DCLK1: variants seen among roughly 807,000 people sequenced by gnomAD.
DCLK1 encodes the protein serine/threonine-protein kinase DCLK1.
Under a neutral mutation model 86.2 loss-of-function variants are expected in DCLK1, and 16 were observed. The ratio of observed to expected loss-of-function variants is 0.19; its 90% CI spans 0.13 to 0.28. DCLK1 has a LOEUF of 0.28. DCLK1 is among the 10% of genes least tolerant of loss of function. The pLI is 1.00. For synonymous variants in DCLK1, 369 were observed against 370.5 expected (o/e 1.00, Z 0.05); for missense variants, 590 against 940.2 (o/e 0.63, Z 4.87).
At chr13:36,005,174 G>A (rs1880896365) in intron 3 of DCLK1, among the ~76,000 whole-genome samples, 1 of 152,084 alleles carries the variant, frequency 6.6e-6, no homozygotes, top group African/African-American at 2.4e-5. Flanking sequence ...ACTTTCACAT[G>A]TGTCCTGAAA....
At chr13:35,983,862 G>A (rs1012486846) in intron 3 of DCLK1, among the ~76,000 whole-genome samples, 1 of 152,186 alleles carries the variant, frequency 6.6e-6, no homozygotes, top group African/African-American at 2.4e-5. Context: ...CCTTGAACAG[G>A]AGACTGCACT....
At chr13:35,855,689 C>A (rs1871008538) in intron 5 of DCLK1, 2 of 1,392,590 alleles carry the variant, frequency 1.4e-6, no homozygotes, top group South Asian at 3.5e-5. Flanking sequence ...CAGCAGATGC[C>A]TTTTCTGCGT....
intron 4 of DCLK1, among the ~76,000 whole-genome samples, chr13:35,919,806 AT>A (rs974879192): frequency 2.7e-5 from 4 of 146,526 alleles, no homozygotes; most frequent in Non-Finnish European, 3.0e-5. Context: ...CTCAAAAAAA[AT>A]TTTTTTTCAT....
chr13:36,091,441 C>T (rs966902505), intron 3 of DCLK1, among the ~76,000 whole-genome samples: 18 of 152,128 alleles, frequency 1.2e-4, no homozygotes, highest in African/African-American at 4.3e-4. Flanking sequence ...AGGGCAGGGA[C>T]CATAACTCAC....
At position 35,872,449 on chromosome 13, in the gene DCLK1, A is replaced by C. The variant is rs1872337555; in HGVS notation, c.824-1109T>G. ...AGCATCTGACTGCATGGAATACCATAATTTACTTAACCGAATTCCAACTAT... is the reference window on the plus strand; with the variant it reads ...AGCATCTGACTGCATGGAATACCATCATTTACTTAACCGAATTCCAACTAT... On this transcript the variant is annotated intron_variant, in intron 4 of 16. Coordinates refer to ENST00000360631, the MANE Select transcript of DCLK1 (RefSeq NM_001330071.2). 2.0e-5 allele frequency among the ~76,000 whole-genome samples: 3 copies of C among 152,194 alleles called. No individual in the cohort carries two copies. The South Asian group carries it at 6.2e-4, about 31-fold the overall frequency.
chr13:35,932,773 A>G (rs545214506), intron 4 of DCLK1, among the ~76,000 whole-genome samples: 1 of 152,312 alleles, frequency 6.6e-6, no homozygotes, highest in East Asian at 1.9e-4. Context: ...ATTGAAGATG[A>G]GATTTGGGTG....
intron 3 of DCLK1, among the ~76,000 whole-genome samples, chr13:35,990,089 A>G (rs1204693351): frequency 6.6e-6 from 1 of 152,162 alleles, no homozygotes; most frequent in Non-Finnish European, 1.5e-5. Flanking sequence ...TGAGAATGTA[A>G]AAAGCATAGA....
chr13:35,879,963 A>G (rs1473694556), intron 4 of DCLK1, among the ~76,000 whole-genome samples: 2 of 152,140 alleles, frequency 1.3e-5, no homozygotes, highest in Admixed American at 6.6e-5. Context: ...TACCCCTGGT[A>G]GAGAACCACT....
At position 35,806,187 on chromosome 13, in the gene DCLK1, G is replaced by C. The variant is rs78629240; in HGVS notation, c.1864-408C>G. On this transcript the variant is annotated intron_variant, in intron 14 of 16. Transcript: ENST00000360631. ...AAAATTTCACTTTAGCAGCTGAAAGGAAAAATGAAAATTTCCCCCTAATTT... is the reference window on the plus strand; with the variant it reads ...AAAATTTCACTTTAGCAGCTGAAAGCAAAAATGAAAATTTCCCCCTAATTT... Among the ~76,000 whole-genome samples the C allele has an allele frequency of 3.6e-3, 543 of 152,044 alleles. 2 individuals carry two copies. Among genetic ancestry groups the C allele is most frequent in the African/African-American group, 0.012 (509 of 41,508 alleles).
At chr13:36,071,401 T>C (rs1883970511) in intron 3 of DCLK1, among the ~76,000 whole-genome samples, 1 of 152,168 alleles carries the variant, frequency 6.6e-6, no homozygotes, top group Non-Finnish European at 1.5e-5. Context: ...TAAGTATTAT[T>C]ATACTCACTT....
At chr13:36,087,867 T>C (rs1489896386) in intron 3 of DCLK1, among the ~76,000 whole-genome samples, 1 of 152,136 alleles carries the variant, frequency 6.6e-6, no homozygotes, top group Non-Finnish European at 1.5e-5. Context: ...GCAGGGAAGG[T>C]GGTCAGAGAC....
At chr13:35,838,968 G>T in intron 7 of DCLK1, 124 bp downstream of exon 7, 1 of 820,592 alleles carries the variant, frequency 1.2e-6, no homozygotes, top group Non-Finnish European at 1.9e-6. Context: ...ATCCCCTTGT[G>T]ATTGACCCTC....
At position 35,827,635 on chromosome 13, in the gene DCLK1, C is replaced by T. The variant is rs1227745857; in HGVS notation, c.1407G>A (p.Lys469=). The change falls in exon 10 of 17, where the codon AAG becomes AAA. Residue 469 remains lysine (K), a splice_region_variant and synonymous_variant. Coordinates refer to ENST00000360631, the MANE Select transcript of DCLK1 (RefSeq NM_001330071.2). ...TELYLVMELV[K]GGDLFDAITS... ...CTTACTTTCTTTCCAAAATACACAC[C>T]TTTACTAATTCCATGACAAGATACA... 1.2e-6 allele frequency: 2 copies of T among 1,613,860 alleles called. No homozygotes were observed. The highest frequency in any genetic ancestry group is 1.7e-6 in the Non-Finnish European group (2 of 1,179,960).
intron 3 of DCLK1, among the ~76,000 whole-genome samples, chr13:36,086,171 A>G (rs955165671): frequency 6.6e-6 from 1 of 152,182 alleles, no homozygotes; most frequent in Non-Finnish European, 1.5e-5. Context: ...CTGTTTACCC[A>G]TCTGACATCA....
At chr13:35,782,068 G>A (rs971341480) in intron 16 of DCLK1, among the ~76,000 whole-genome samples, 3 of 152,180 alleles carry the variant, frequency 2.0e-5, no homozygotes, top group African/African-American at 7.2e-5. Flanking sequence ...GCCTTCTTGG[G>A]ATGCAACTGA....
intron 3 of DCLK1, among the ~76,000 whole-genome samples, chr13:35,951,727 G>A (rs554357291): frequency 6.6e-6 from 1 of 151,978 alleles, no homozygotes; most frequent in Middle Eastern, 3.2e-3. Context: ...ATTCAGCCGA[G>A]AGTGACTTAC....
intron 8 of DCLK1, among the ~76,000 whole-genome samples, chr13:35,833,366 C>A (rs936396297): frequency 6.6e-6 from 1 of 152,118 alleles, no homozygotes; most frequent in African/African-American, 2.4e-5. Flanking sequence ...ATGCTCTGAC[C>A]GCTCATTAGA....
chr13:36,113,656 G>A (rs1885687986), intron 2 of DCLK1, among the ~76,000 whole-genome samples: 1 of 152,024 alleles, frequency 6.6e-6, no homozygotes, highest in Non-Finnish European at 1.5e-5. Flanking sequence ...CTCCAAGCAT[G>A]TGACTTTGGA....
chr13:36,023,617 T>A (rs1881883724), intron 3 of DCLK1, among the ~76,000 whole-genome samples: 1 of 152,088 alleles, frequency 6.6e-6, no homozygotes, highest in African/African-American at 2.4e-5. Flanking sequence ...GCCATCACAA[T>A]ATCCAAATAT....
Sources: allele counts gnomAD v4.1 joint callset (sites outside exome capture counted in the v4.1 genomes callset), GRCh38; gene constraint gnomAD v4.1.1; transcripts MANE v1.5; gene names NCBI Gene and HGNC (gene_info 2026-07-23, HGNC 2026-07-21).